The following PLAGL1 variants were observed in gnomAD, a reference collection of about 807,000 sequenced individuals.
PLAGL1 encodes the protein zinc finger protein PLAGL1.
Under a neutral mutation model 4.6 loss-of-function variants are expected in PLAGL1, and 1 was observed. The observed-to-expected ratio is 0.22, with a 90% CI of 0.08 to 1.03. The LOEUF (loss-of-function observed/expected upper bound fraction) is 1.03, where lower values mean the gene tolerates loss of function less well. Among genes scored for constraint, PLAGL1 ranks in the 50% least tolerant of loss-of-function variants. The probability of loss-of-function intolerance (pLI) is 0.58; values close to 1 mark genes in which losing one functional copy is unlikely to be tolerated. For missense variants in PLAGL1, 464 were observed against 570.4 expected (o/e 0.81, Z 1.90); for synonymous variants, 240 against 237.8 (o/e 1.01, Z -0.08).
chr6:143,949,359 G>C lies in PLAGL1; in HGVS notation c.-324-899C>G, dbSNP rs1281030821. Among the ~76,000 whole-genome samples the C allele has an allele frequency of 6.6e-6, 1 of 152,214 alleles. No homozygotes were observed. The highest frequency in any genetic ancestry group is 1.5e-5 in the Non-Finnish European group (1 of 68,042). On this transcript the variant is annotated intron_variant, in intron 6 of 7. Transcript: ENST00000674357. The surrounding 1 kb of genome is among the most constrained non-coding windows in gnomAD (Gnocchi z 5.3). ...CAATTGGCCATCATTGGAGGAACCT[G>C]AAGTGTCTGAGCCTGCATCATGAAC...
rs531118100 is a variant in PLAGL1, at chr6:143,989,431, A to G, written c.-583-4257T>C. 4.6e-5 allele frequency among the ~76,000 whole-genome samples: 7 copies of G among 152,282 alleles called. No individual in the cohort carries two copies. The East Asian group carries it at 1.4e-3, about 29-fold the overall frequency. ...CCCAAATATGGGCTGGCATCATCCAATCCACTGAGGGCCCGAATAGAACAA... is the reference window on the plus strand; with the variant it reads ...CCCAAATATGGGCTGGCATCATCCAGTCCACTGAGGGCCCGAATAGAACAA... On this transcript the variant is annotated intron_variant, in intron 1 of 7. Transcript: ENST00000674357. This position sits in a 1 kb window ranked among gnomAD's most constrained non-coding sequence, Gnocchi z 4.8.
chr6:144,062,488 A>AAAAAAAAC (rs1562625447), intron 1 of PLAGL1, among the ~76,000 whole-genome samples: 1 of 150,984 alleles, frequency 6.6e-6, no homozygotes. Flanking sequence ...AAAAAAAAAA[A>AAAAAAAAC]AAAAAAACAC....
chr6:144,060,207 C>G (rs542857302), intron 1 of PLAGL1, among the ~76,000 whole-genome samples: 2 of 152,180 alleles, frequency 1.3e-5, no homozygotes, highest in Non-Finnish European at 1.5e-5. Flanking sequence ...TCCACCATGC[C>G]CAGCTAAGTT....
rs766039063 is a variant in PLAGL1 at position 143,971,390 on chromosome 6, GAGAGT to G, written c.-543-2417_-543-2413del. Among the ~76,000 whole-genome samples, 2 of 152,134 alleles carry G rather than the reference GAGAGT, an allele frequency of 1.3e-5. No homozygotes were observed. Among genetic ancestry groups the G allele is most frequent in the Non-Finnish European group, 2.9e-5 (2 of 68,022 alleles). On this transcript the variant is annotated intron_variant, in intron 2 of 7. Transcript: ENST00000674357. This position sits in a 1 kb window ranked among gnomAD's most constrained non-coding sequence, Gnocchi z 4.7. Reference sequence around the variant, plus strand: ...GTGAACATAAAACAAAAATAACATGGAGAGTAAAGTATTAGCCCGTTCCTGTACTT... The same window carrying G: ...GTGAACATAAAACAAAAATAACATGGAAAGTATTAGCCCGTTCCTGTACTT...
intron 1 of PLAGL1, among the ~76,000 whole-genome samples, chr6:144,029,396 G>A (rs1401547135): frequency 6.6e-6 from 1 of 152,150 alleles, no homozygotes; most frequent in Non-Finnish European, 1.5e-5. Flanking sequence ...GGGTAACTGT[G>A]ATTCACAATA....
chr6:143,993,012 A>T (rs1204710626), intron 1 of PLAGL1, among the ~76,000 whole-genome samples: 1 of 151,206 alleles, frequency 6.6e-6, no homozygotes, highest in Non-Finnish European at 1.5e-5. Flanking sequence ...ACACACACAG[A>T]AAAAAACAGA....
At chr6:144,031,335 T>C (rs2180244) in intron 1 of PLAGL1, among the ~76,000 whole-genome samples, 134,028 of 152,254 alleles carry the variant, frequency 0.88, 59,129 homozygotes, top group Non-Finnish European at 0.91. Flanking sequence ...TTTTGCTATG[T>C]GGAAGCTTTT....
In PLAGL1 at chr6:144,015,083, G is replaced by A. The variant is rs962683136; in HGVS notation, c.-150-46105C>T. On this transcript the variant is annotated intron_variant, in intron 1 of 3. Transcript: ENST00000437412. This position sits in a 1 kb window ranked among gnomAD's most constrained non-coding sequence, Gnocchi z 4.3. ...TTCTGGAATCACCTTGTTCAATACA[G>A]TACCCATAAGCCATGTATGGCTATG... 2.0e-5 allele frequency among the ~76,000 whole-genome samples: 3 copies of A among 152,164 alleles called. No individual in the cohort carries two copies. The highest frequency in any genetic ancestry group is 1.3e-4 in the Admixed American group (2 of 15,268).
At chr6:144,062,978 T>C (rs1386669692) in intron 1 of PLAGL1, among the ~76,000 whole-genome samples, 1 of 152,182 alleles carries the variant, frequency 6.6e-6, no homozygotes, top group Non-Finnish European at 1.5e-5. Flanking sequence ...GGTGCCTTTT[T>C]CAAACCATCC....
In PLAGL1 at chr6:144,043,555, TGTGCTGC is replaced by T. The variant is rs556049765; in HGVS notation, c.-151+20906_-151+20912del. 3.5e-3 allele frequency among the ~76,000 whole-genome samples: 534 copies of T among 152,362 alleles called. 2 individuals carry two copies. The highest frequency in any genetic ancestry group is 0.012 in the African/African-American group (517 of 41,586). ...TGATCTTGGTGGATAAGCTTTTTGA[TGTGCTGC>T]TGGATTTGGTTTGCCAGTATTTTAT... On this transcript the variant is annotated intron_variant, in intron 1 of 3. Transcript: ENST00000437412.
chr6:144,057,462 G>A (rs1361825269), intron 1 of PLAGL1, among the ~76,000 whole-genome samples: 2 of 152,212 alleles, frequency 1.3e-5, no homozygotes, highest in Admixed American at 6.5e-5. Context: ...TCAGTGGCAG[G>A]AGGAAGCATG....
chr6:144,038,949 A>T (rs1025127762), intron 1 of PLAGL1, among the ~76,000 whole-genome samples: 1 of 152,226 alleles, frequency 6.6e-6, no homozygotes, highest in African/African-American at 2.4e-5. Context: ...TGATATGTGA[A>T]CTATATCTCA....
intron 1 of PLAGL1, among the ~76,000 whole-genome samples, chr6:144,041,123 T>C (rs1281522364): frequency 6.6e-6 from 1 of 152,096 alleles, no homozygotes; most frequent in East Asian, 1.9e-4. Context: ...GTAGTAGCCA[T>C]AGTAATAGGA....
rs899650052 is a variant in PLAGL1 at position 144,064,265 on chromosome 6, C to A, written c.-151+203G>T. Among the ~76,000 whole-genome samples, 1 of 152,154 alleles carries A rather than the reference C, an allele frequency of 6.6e-6. No individual in the cohort carries two copies. Among genetic ancestry groups the A allele is most frequent in the Non-Finnish European group, 1.5e-5 (1 of 68,018 alleles). ...GGCCGCCGGTGTCCCAAGCACCGAC[C>A]GCCATCCCCGGCAGGACGCAGGCAG... On this transcript the variant is annotated intron_variant, in intron 1 of 3. Transcript: ENST00000437412. The surrounding 1 kb of genome is among the most constrained non-coding windows in gnomAD (Gnocchi z 6.8).
chr6:143,991,439 C>A (rs1442720405), intron 1 of PLAGL1, among the ~76,000 whole-genome samples: 1 of 152,174 alleles, frequency 6.6e-6, no homozygotes. Context: ...ATTAGGGCAT[C>A]TTCCCTCCCT....
intron 1 of PLAGL1, among the ~76,000 whole-genome samples, chr6:144,033,240 C>T (rs778601359): frequency 3.0e-4 from 45 of 152,276 alleles, no homozygotes; most frequent in Middle Eastern, 3.4e-3. Context: ...TGGTGAGAGA[C>T]GATGTCAGAG....
At position 143,979,061 on chromosome 6, in the gene PLAGL1, T is replaced by A. The variant is rs987746079; in HGVS notation, c.-544+6074A>T. Among the ~76,000 whole-genome samples the A allele has an allele frequency of 2.6e-5, 4 of 152,206 alleles. No individual in the cohort carries two copies. The highest frequency in any genetic ancestry group is 9.6e-5 in the African/African-American group (4 of 41,466). ...TATTTATCCCTGGTAATATTCTTTGTTCTAATTTCTACTTTGTCTAATATG... is the reference window on the plus strand; with the variant it reads ...TATTTATCCCTGGTAATATTCTTTGATCTAATTTCTACTTTGTCTAATATG... On this transcript the variant is annotated intron_variant, in intron 2 of 7. Transcript: ENST00000674357. This position sits in a 1 kb window ranked among gnomAD's most constrained non-coding sequence, Gnocchi z 4.6.
rs1798335982 is a variant in PLAGL1 at position 144,048,429 on chromosome 6, A to G, written c.-151+16039T>C. On this transcript the variant is annotated intron_variant, in intron 1 of 3. Transcript: ENST00000437412. The surrounding 1 kb of genome is among the most constrained non-coding windows in gnomAD (Gnocchi z 4.8). ...TTCTCCATGAGAGCTCCACCCCTGC[A>G]GGAGACTTCTGCCTGGACATTCAGG... Among the ~76,000 whole-genome samples the G allele has an allele frequency of 6.6e-6, 1 of 152,244 alleles. No individual in the cohort carries two copies. The highest frequency in any genetic ancestry group is 2.4e-5 in the African/African-American group (1 of 41,472).
chr6:144,001,849 A>G (rs531402858), intron 1 of PLAGL1, among the ~76,000 whole-genome samples: 1 of 152,286 alleles, frequency 6.6e-6, no homozygotes, highest in East Asian at 1.9e-4. Flanking sequence ...ATAAATCCAA[A>G]TTGAGATGCA....
Sources: gnomAD v4.1 joint callset for allele counts (sites outside exome capture counted in the v4.1 genomes callset) on GRCh38, gnomAD v4.1.1 for gene constraint, Gnocchi (gnomAD v3.1) non-coding constraint, MANE v1.5 for transcripts, NCBI Gene and HGNC (gene_info 2026-07-23, HGNC 2026-07-21) for gene names.